The following GASK1A variants were observed in gnomAD, a reference collection of about 807,000 sequenced individuals.
The protein encoded by GASK1A is Golgi-associated kinase 1A.
In GASK1A, 40 loss-of-function variants were observed where a neutral mutation model predicts 41.2. The ratio of observed to expected loss-of-function variants is 0.97; its 90% CI spans 0.75 to 1.27. The LOEUF (loss-of-function observed/expected upper bound fraction) is 1.27, where lower values mean the gene tolerates loss of function less well. GASK1A is among the 50% of genes most tolerant of loss of function. The pLI, the probability that GASK1A is intolerant of heterozygous loss-of-function variation, is 0.00. For missense variants in GASK1A, 678 were observed against 745.1 expected, an observed-to-expected ratio of 0.91 and a Z score of 1.05; for synonymous variants, 316 against 307.1, an observed-to-expected ratio of 1.03 and a Z score of -0.30.
At chr3:43,021,493 G>A (rs537650339) in intron 1 of GASK1A, among the ~76,000 whole-genome samples, 10 of 152,158 alleles carry the variant, frequency 6.6e-5, no homozygotes, top group South Asian at 4.2e-4. Context: ...CTGACTTTAC[G>A]ATGAGCCAAA....
At chr3:43,055,880 T>A (rs2089713586) in intron 4 of GASK1A, 1 of 474,358 alleles carries the variant, frequency 2.1e-6, no homozygotes, top group Non-Finnish European at 3.8e-6. Flanking sequence ...TTCCCAGGAT[T>A]CTTTCTGGCC....
chr3:43,006,789 A>G (rs2089438193), intron 1 of GASK1A, among the ~76,000 whole-genome samples: 1 of 152,188 alleles, frequency 6.6e-6, no homozygotes, highest in African/African-American at 2.4e-5. Flanking sequence ...AACAGGAGAG[A>G]TGATATGGCG....
At chr3:43,053,462 T>C in intron 2 of GASK1A, 59 bp from the exon 3 acceptor site, 2 of 1,483,082 alleles carry the variant, frequency 1.3e-6, no homozygotes, top group Non-Finnish European at 1.8e-6. Context: ...GCCTCCATGC[T>C]ATGCCTGGTG....
At chr3:42,983,781 C>T (rs2089293466) in intron 1 of GASK1A, among the ~76,000 whole-genome samples, 2 of 152,226 alleles carry the variant, frequency 1.3e-5, no homozygotes, top group African/African-American at 4.8e-5. Flanking sequence ...TGCTGCATAC[C>T]TGACCCAGGC....
At chr3:42,993,041 C>T (rs2089349916) in intron 1 of GASK1A, among the ~76,000 whole-genome samples, 1 of 152,164 alleles carries the variant, frequency 6.6e-6, no homozygotes, top group Non-Finnish European at 1.5e-5. Context: ...TTGTTACTGC[C>T]GCATACTATT....
chr3:42,993,288 C>T (rs1431403716), intron 1 of GASK1A, among the ~76,000 whole-genome samples: 3 of 152,218 alleles, frequency 2.0e-5, no homozygotes, highest in African/African-American at 7.2e-5. Flanking sequence ...TTGGCAGGAC[C>T]TGTGACTTTG....
chr3:43,036,656 T>C (rs984954131), intron 2 of GASK1A, among the ~76,000 whole-genome samples: 1 of 152,158 alleles, frequency 6.6e-6, no homozygotes, highest in Non-Finnish European at 1.5e-5. Context: ...TTATTCTTGC[T>C]CCAGGATCTG....
intron 1 of GASK1A, among the ~76,000 whole-genome samples, chr3:43,025,315 G>A (rs1270442693): frequency 2.6e-5 from 4 of 152,196 alleles, no homozygotes; most frequent in Admixed American, 2.6e-4. Context: ...ATGGGGCAGA[G>A]GAAAGGTGGA....
At chr3:43,054,691 G>T (rs1285772973) in intron 3 of GASK1A, among the ~76,000 whole-genome samples, 2 of 152,164 alleles carry the variant, frequency 1.3e-5, no homozygotes, top group Non-Finnish European at 2.9e-5. Flanking sequence ...ATGGGAGTGG[G>T]GACCAGAAGA....
intron 1 of GASK1A, among the ~76,000 whole-genome samples, chr3:42,991,311 G>T (rs1368344855): frequency 1.3e-5 from 2 of 152,054 alleles, no homozygotes; most frequent in Non-Finnish European, 2.9e-5. Context: ...TGGCCAATCG[G>T]TCTTTTTCTT....
intron 1 of GASK1A, among the ~76,000 whole-genome samples, chr3:43,018,353 A>T (rs2089505098): frequency 2.0e-5 from 3 of 152,140 alleles, no homozygotes; most frequent in Admixed American, 6.5e-5. Flanking sequence ...ATAAGTGGTC[A>T]TTTTTTTGGG....
Position 43,032,713 on chromosome 3 carries a change from C to T in GASK1A, c.450C>T (p.Asp150=), listed in dbSNP as rs1263509185. 6.4e-7 allele frequency: 1 copy of T among 1,551,616 alleles called. No individual in the cohort carries two copies. Among genetic ancestry groups the T allele is most frequent in the Non-Finnish European group, 8.7e-7 (1 of 1,147,006 alleles). ...EDEVGDPGTK[D]LGHPQHGSPI... is the part of the protein sequence containing the mutation. ...AGGTTGGAGATCCAGGAACCAAAGA[C>T]CTGGGCCACCCCCAGCATGGCAGTC... is the stretch of plus-strand genomic sequence containing the variant. The change falls in exon 2 of 5, where the codon GAC becomes GAT. Residue 150 remains aspartate (D), a synonymous_variant. Coordinates refer to ENST00000430121, the MANE Select transcript of GASK1A (RefSeq NM_001129908.3).
chr3:43,047,217 G>A (rs660324), intron 2 of GASK1A, among the ~76,000 whole-genome samples: 55,237 of 152,138 alleles, frequency 0.36, 10,613 homozygotes, highest in East Asian at 0.57. Context: ...AATGCTAGCC[G>A]GTGAGAGCAG....
chr3:42,997,159 C>A (rs2089379929), intron 1 of GASK1A, among the ~76,000 whole-genome samples: 2 of 152,202 alleles, frequency 1.3e-5, no homozygotes, highest in South Asian at 4.1e-4. Context: ...ATAATTTTTT[C>A]TTCCTGCCCA....
chr3:43,052,793 A>G (rs1241601688), intron 2 of GASK1A, among the ~76,000 whole-genome samples: 1 of 152,198 alleles, frequency 6.6e-6, no homozygotes, highest in East Asian at 1.9e-4. Flanking sequence ...CTTACAGCAG[A>G]TACTATCCTC....
chr3:43,009,732 G>C (rs1575440078), intron 1 of GASK1A, among the ~76,000 whole-genome samples: 2 of 152,248 alleles, frequency 1.3e-5, no homozygotes, highest in East Asian at 3.8e-4. Context: ...GTCATCAGAT[G>C]TTGGTGGAGA....
In GASK1A at chr3:43,056,253, C is replaced by A. The variant is rs989803032; in HGVS notation, c.1595C>A (p.Pro532Gln). 1 of 1,551,716 alleles carries A rather than the reference C, an allele frequency of 6.4e-7. No individual in the cohort carries two copies. The highest frequency in any genetic ancestry group is 8.7e-7 in the Non-Finnish European group (1 of 1,147,004). ...NMLLKSLQMDPVFWESQGGAQ... is the reference protein window; with the variant it reads ...NMLLKSLQMDQVFWESQGGAQ... ...CTGCTGAAGTCGCTGCAGATGGACCCAGTGTTCTGGGAAAGCCAAGGCGGA... is the reference window on the plus strand; with the variant it reads ...CTGCTGAAGTCGCTGCAGATGGACCAAGTGTTCTGGGAAAGCCAAGGCGGA... Residue 532 changes from proline to glutamine, a missense_variant, in exon 5 of 5, where the codon CCA becomes CAA. Coordinates refer to ENST00000430121, the MANE Select transcript of GASK1A (RefSeq NM_001129908.3).
intron 1 of GASK1A, among the ~76,000 whole-genome samples, chr3:43,008,445 A>T (rs2089447367): frequency 1.3e-5 from 2 of 152,240 alleles, no homozygotes; most frequent in Admixed American, 1.3e-4. Flanking sequence ...CACGGTTGTC[A>T]GGAAATGCCT....
chr3:42,989,116 A>T (rs1388198822), intron 1 of GASK1A, among the ~76,000 whole-genome samples: 1 of 152,208 alleles, frequency 6.6e-6, no homozygotes, highest in East Asian at 1.9e-4. Flanking sequence ...AGTCCCTTTC[A>T]TTCTTATCTA....
Sources: gnomAD v4.1 joint callset for allele counts (sites outside exome capture counted in the v4.1 genomes callset) on GRCh38, gnomAD v4.1.1 for gene constraint, MANE v1.5 for transcripts, NCBI Gene and HGNC (gene_info 2026-07-23, HGNC 2026-07-21) for gene names.